The following USP31 variants were observed in gnomAD, a reference collection of about 807,000 sequenced individuals.
USP31 encodes the protein ubiquitin specific peptidase 31, also known as ubiquitin carboxyl-terminal hydrolase 31.
A neutral mutation model predicts 119.4 loss-of-function variants in USP31; 44 were observed. The ratio of observed to expected loss-of-function variants is 0.37; its 90% CI spans 0.29 to 0.47. USP31 has a LOEUF of 0.47. USP31 is among the 20% of genes least tolerant of loss of function. USP31 has a pLI of 0.99. For missense variants in USP31, 1,643 were observed against 1,730.2 expected, an observed-to-expected ratio of 0.95 and a Z score of 0.89; for synonymous variants, 749 against 705.6, an observed-to-expected ratio of 1.06 and a Z score of -0.97.
intron 5 of USP31, among the ~76,000 whole-genome samples, chr16:23,104,981 A>G (rs763857644): frequency 6.6e-6 from 1 of 152,222 alleles, no homozygotes; most frequent in African/African-American, 2.4e-5. Flanking sequence ...TAATGAGAAA[A>G]CAAAACGTAT....
chr16:23,096,611 C>T (rs554782902), intron 6 of USP31, among the ~76,000 whole-genome samples: 12 of 152,234 alleles, frequency 7.9e-5, no homozygotes, highest in Middle Eastern at 3.4e-3. Context: ...TCCTCAGCAA[C>T]TGTAAAAGAA....
chr16:23,089,358 G>A (rs1287304181), intron 7 of USP31, among the ~76,000 whole-genome samples: 1 of 152,128 alleles, frequency 6.6e-6, no homozygotes, highest in Non-Finnish European at 1.5e-5. Flanking sequence ...CTTCGACGTG[G>A]TACGGACTGT....
At chr16:23,083,519 G>A (rs1900932429) in intron 11 of USP31, among the ~76,000 whole-genome samples, 1 of 150,598 alleles carries the variant, frequency 6.6e-6, no homozygotes, top group South Asian at 2.1e-4. Flanking sequence ...GATGTGTTGT[G>A]GAATACCAGT....
In USP31 at chr16:23,126,831, T is replaced by C. The variant is rs117554134; in HGVS notation, c.634-18648A>G. Reference sequence around the variant, plus strand: ...ACGAAGAAAAGCAAGAGGAGAAAATTATCCATAGTGTGCTACCATTTATCT... The same window carrying C: ...ACGAAGAAAAGCAAGAGGAGAAAATCATCCATAGTGTGCTACCATTTATCT... On this transcript the variant is annotated intron_variant, in intron 1 of 15. Coordinates refer to ENST00000219689, the MANE Select transcript of USP31 (RefSeq NM_020718.4). 6.8e-3 allele frequency among the ~76,000 whole-genome samples: 1,039 copies of C among 152,200 alleles called. 4 individuals are homozygous for C. The highest frequency in any genetic ancestry group is 0.012 in the Non-Finnish European group (792 of 68,012).
At chr16:23,120,551 GAA>G (rs1200696501) in intron 1 of USP31, among the ~76,000 whole-genome samples, 1 of 152,202 alleles carries the variant, frequency 6.6e-6, no homozygotes, top group Non-Finnish European at 1.5e-5. Context: ...ATTAGAGAGA[GAA>G]AAAGAATGTA....
chr16:23,128,731 G>C (rs1202939667), intron 1 of USP31, among the ~76,000 whole-genome samples: 1 of 152,182 alleles, frequency 6.6e-6, no homozygotes, highest in Non-Finnish European at 1.5e-5. Flanking sequence ...CACCACAAGA[G>C]ATAAAACCAA....
At chr16:23,079,920 G>T in intron 13 of USP31, 26 bp downstream of exon 13, 1 of 1,564,574 alleles carries the variant, frequency 6.4e-7, no homozygotes, top group South Asian at 1.2e-5. Context: ...CGCCAGCACA[G>T]ACACGCAGCC....
At position 23,067,813 on chromosome 16, in the gene USP31, G is replaced by C; in HGVS notation, c.*233C>G. 1 of 464,932 alleles carries C rather than the reference G, an allele frequency of 2.2e-6. No individual in the cohort carries two copies. Among genetic ancestry groups the C allele is most frequent in the South Asian group, 3.8e-5 (1 of 25,980 alleles). 28.8% of individuals were successfully genotyped at this position (464,932 alleles called of 1,614,324 possible). A position where few individuals can be genotyped will look rare whatever the true frequency, so the allele number is the denominator to read the frequency against. Reference sequence around the variant, plus strand: ...CGTCTACAATTATTCCAGTTAGCTTGGTGTCAATGTTTTGCCTATGGCTGT... The same window carrying C: ...CGTCTACAATTATTCCAGTTAGCTTCGTGTCAATGTTTTGCCTATGGCTGT... On this transcript the variant is annotated 3_prime_UTR_variant, in exon 16 of 16. Transcript: ENST00000219689.
chr16:23,085,485 G>A (rs982781529), intron 10 of USP31, 100 bp downstream of exon 10: 3 of 1,083,356 alleles, frequency 2.8e-6, no homozygotes, highest in African/African-American at 1.6e-5. Context: ...CTAAAGAGAA[G>A]AGAGATTTGT....
chr16:23,108,241 CTATT>C (rs1902189934), intron 1 of USP31, 58 bp from the exon 2 acceptor site: 9 of 1,537,294 alleles, frequency 5.9e-6, no homozygotes, highest in Non-Finnish European at 7.9e-6. Context: ...TAAAGAAAAA[CTATT>C]TATTCATAAT....
intron 1 of USP31, among the ~76,000 whole-genome samples, chr16:23,134,913 CACAT>C (rs753583014): frequency 0.012 from 1,714 of 147,540 alleles, 15 homozygotes; most frequent in Non-Finnish European, 0.021. Flanking sequence ...CACACACACA[CACAT>C]ATTCTATAGA....
At chr16:23,090,523 A>T (rs1471581121) in intron 7 of USP31, 101 bp downstream of exon 7, 1 of 1,197,060 alleles carries the variant, frequency 8.4e-7, no homozygotes, top group Non-Finnish European at 1.1e-6. Flanking sequence ...TCAAAAATTA[A>T]CTACTAAAAG....
intron 1 of USP31, among the ~76,000 whole-genome samples, chr16:23,117,786 GTCTC>G (rs1286268876): frequency 6.9e-6 from 1 of 144,436 alleles, no homozygotes; most frequent in Non-Finnish European, 1.5e-5. Context: ...TTCAGATGGA[GTCTC>G]TCTCTGTTCT....
At chr16:23,082,606 G>A in intron 11 of USP31, 49 bp from the exon 12 acceptor site, 1 of 1,610,972 alleles carries the variant, frequency 6.2e-7, no homozygotes, top group South Asian at 1.1e-5. Flanking sequence ...ATGCAAGACT[G>A]TGTTACAGCT....
intron 1 of USP31, among the ~76,000 whole-genome samples, chr16:23,138,187 A>G (rs2141901400): frequency 6.6e-6 from 1 of 152,358 alleles, no homozygotes; most frequent in African/African-American, 2.4e-5. Context: ...GGTTGGGAAG[A>G]CATTTTTTAA....
chr16:23,097,209 A>G (rs1703838388), intron 6 of USP31, among the ~76,000 whole-genome samples: 1 of 152,210 alleles, frequency 6.6e-6, no homozygotes, highest in African/African-American at 2.4e-5. Context: ...GAATACTATA[A>G]ACACCTCTAC....
At chr16:23,119,960 T>C (rs754582756) in intron 1 of USP31, among the ~76,000 whole-genome samples, 55 of 152,282 alleles carry the variant, frequency 3.6e-4, no homozygotes, top group Non-Finnish European at 5.4e-4. Context: ...CAATAGTCCA[T>C]CCTTCCCCGC....
chr16:23,072,598 G>T (rs927168687), intron 14 of USP31: 4 of 497,258 alleles, frequency 8.0e-6, no homozygotes, highest in African/African-American at 7.7e-5. Flanking sequence ...ACAAAGAGAA[G>T]AGAGGATGCG....
intron 7 of USP31, among the ~76,000 whole-genome samples, chr16:23,089,978 T>C (rs942892666): frequency 4.6e-5 from 7 of 152,074 alleles, no homozygotes; most frequent in African/African-American, 1.7e-4. Flanking sequence ...AGTAGACATG[T>C]TAACAATTAA....
Sources: allele counts gnomAD v4.1 joint callset (sites outside exome capture counted in the v4.1 genomes callset), GRCh38; gene constraint gnomAD v4.1.1; transcripts MANE v1.5; gene names NCBI Gene and HGNC (gene_info 2026-07-23, HGNC 2026-07-21).